Variants in SYTL3 observed in about 807,000 individuals in gnomAD.
The protein encoded by SYTL3 is synaptotagmin-like protein 3.
In SYTL3, 88 loss-of-function variants were observed where a neutral mutation model predicts 82.1. That is an observed-to-expected ratio of 1.07 (90% confidence interval 0.90 to 1.28). The LOEUF (loss-of-function observed/expected upper bound fraction) is 1.28, where lower values mean the gene tolerates loss of function less well. SYTL3 is among the 50% of genes most tolerant of loss of function. The pLI is 0.00. For synonymous variants in SYTL3, 311 were observed against 289.4 expected (o/e 1.07, Z -0.76); for missense variants, 831 against 757.6 (o/e 1.10, Z -1.14).
intron 5 of SYTL3, among the ~76,000 whole-genome samples, chr6:158,667,031 G>T (rs1261866544): frequency 6.6e-6 from 1 of 152,212 alleles, no homozygotes; most frequent in African/African-American, 2.4e-5. Context: ...GGCATAGAGA[G>T]CAATTCCAAA....
chr6:158,734,554 C>T (rs1785887671), intron 11 of SYTL3, among the ~76,000 whole-genome samples: 1 of 152,172 alleles, frequency 6.6e-6, no homozygotes, highest in African/African-American at 2.4e-5. Flanking sequence ...CCAGGCATTT[C>T]TGTACCCTTC....
chr6:158,732,506 C>T (rs865958740), intron 11 of SYTL3, among the ~76,000 whole-genome samples: 8 of 152,236 alleles, frequency 5.3e-5, no homozygotes, highest in African/African-American at 1.2e-4. Flanking sequence ...ATCGACAAGA[C>T]GTAGACTGCA....
At chr6:158,674,542 G>A (rs1046363692) in intron 5 of SYTL3, among the ~76,000 whole-genome samples, 2 of 152,192 alleles carry the variant, frequency 1.3e-5, no homozygotes, top group Admixed American at 6.5e-5. Flanking sequence ...CAGGTTGAGC[G>A]GTTGCCCACA....
Position 158,746,822 on chromosome 6 carries a change from T to TAA in SYTL3, c.1034+1176_1034+1177dup, listed in dbSNP as rs11460658. On this transcript the variant is annotated intron_variant, in intron 12 of 17. Coordinates refer to ENST00000611299, the MANE Select transcript of SYTL3 (RefSeq NM_001242394.2). ...ACTAACAAAGATGAGCAACTTGTTT[T>TAA]AAAAAAAAAAAAATAGAGACAGGGT... is the stretch of plus-strand genomic sequence containing the variant. Among the ~76,000 whole-genome samples, 656 of 145,952 alleles carry TAA rather than the reference T, an allele frequency of 4.5e-3. 1 individual carries two copies. Among genetic ancestry groups the TAA allele is most frequent in the Middle Eastern group, 7.0e-3 (2 of 284 alleles).
chr6:158,703,827 TTA>T (rs1491533359), intron 6 of SYTL3, among the ~76,000 whole-genome samples: 38 of 147,376 alleles, frequency 2.6e-4, no homozygotes, highest in African/African-American at 9.4e-4. Flanking sequence ...ATTATCATTA[TTA>T]TTATTATTAT....
intron 6 of SYTL3, among the ~76,000 whole-genome samples, chr6:158,693,337 C>G (rs1016447273): frequency 2.6e-5 from 4 of 152,176 alleles, no homozygotes; most frequent in Non-Finnish European, 5.9e-5. Flanking sequence ...CCCACTTCAG[C>G]CCCCCAAGTA....
rs187408822 is a variant in SYTL3, at chr6:158,669,880, T to A, written c.329+4267T>A. The stretch of plus-strand genomic sequence containing the variant: ...CTCATGGAATGCCCAAGCGGGAGGA[T>A]CACATAAGCCCAGGAGTTTGAGGCC... On this transcript the variant is annotated intron_variant, in intron 5 of 17. Transcript: ENST00000611299. Among the ~76,000 whole-genome samples the A allele has an allele frequency of 1.6e-4, 25 of 152,338 alleles. 1 individual carries two copies. In the East Asian group the frequency reaches 3.7e-3, roughly 22 times the overall value.
intron 2 of SYTL3, among the ~76,000 whole-genome samples, chr6:158,657,362 G>A (rs1258719302): frequency 6.7e-6 from 1 of 148,336 alleles, no homozygotes; most frequent in Admixed American, 6.8e-5. Flanking sequence ...GGAGGTAGAG[G>A]TTGTAGTGAG....
At chr6:158,734,430 G>T (rs1785865710) in intron 11 of SYTL3, among the ~76,000 whole-genome samples, 1 of 152,048 alleles carries the variant, frequency 6.6e-6, no homozygotes, top group Non-Finnish European at 1.5e-5. Flanking sequence ...GGGATCCTGT[G>T]TGACCTGCCC....
chr6:158,742,099 A>G (rs1286129726), intron 11 of SYTL3, among the ~76,000 whole-genome samples: 3 of 152,208 alleles, frequency 2.0e-5, no homozygotes, highest in African/African-American at 7.2e-5. Flanking sequence ...GAATAAGAAA[A>G]CTGCTCAAAT....
upstream of SYTL3, among the ~76,000 whole-genome samples, chr6:158,647,968 A>G (rs1461719194): frequency 1.3e-5 from 2 of 152,232 alleles, no homozygotes; most frequent in African/African-American, 4.8e-5. Context: ...ATAGCAATCA[A>G]TGAACTGTCA....
intron 6 of SYTL3, among the ~76,000 whole-genome samples, chr6:158,690,305 C>T (rs994220939): frequency 6.6e-6 from 1 of 152,222 alleles, no homozygotes; most frequent in Non-Finnish European, 1.5e-5. Context: ...GGAGTAGTGT[C>T]CATTGTCAGT....
rs181864565 is a variant in SYTL3 at position 158,736,034 on chromosome 6, T to C, written c.856-9446T>C. ...TACATAGATGTCCCAGACAGCATTG[T>C]TTATAATTGTTTTAATTTTGAAAAA... On this transcript the variant is annotated intron_variant, in intron 11 of 17. Transcript: ENST00000611299. Among the ~76,000 whole-genome samples, 5 of 152,332 alleles carry C rather than the reference T, an allele frequency of 3.3e-5. No homozygotes were observed. The East Asian group carries it at 7.7e-4, about 23-fold the overall frequency.
intron 5 of SYTL3, among the ~76,000 whole-genome samples, chr6:158,677,179 G>A (rs1562364823): frequency 6.6e-6 from 1 of 152,146 alleles, no homozygotes; most frequent in Non-Finnish European, 1.5e-5. Flanking sequence ...ATGATAGACT[G>A]GATTAAGAAA....
At chr6:158,704,149 TAA>T (rs11364829) in intron 6 of SYTL3, among the ~76,000 whole-genome samples, 17 of 149,604 alleles carry the variant, frequency 1.1e-4, no homozygotes, top group Admixed American at 7.3e-4. Context: ...TTTAAATGGT[TAA>T]AAAAAAAAAC....
intron 5 of SYTL3, 78 bp downstream of exon 5, chr6:158,665,691 A>T: frequency 9.0e-7 from 1 of 1,109,570 alleles, no homozygotes; most frequent in South Asian, 1.6e-5. Context: ...GCTCATAAAG[A>T]GAGCACTCAC....
intron 5 of SYTL3, among the ~76,000 whole-genome samples, chr6:158,672,166 C>T (rs1202608738): frequency 6.6e-6 from 1 of 152,084 alleles, no homozygotes; most frequent in Non-Finnish European, 1.5e-5. Context: ...TCGTGTGTAC[C>T]TGTAATCCCA....
At chr6:158,760,925 C>G (rs181959281) in intron 15 of SYTL3, among the ~76,000 whole-genome samples, 180 bp downstream of exon 15, 1 of 152,274 alleles carries the variant, frequency 6.6e-6, no homozygotes, top group Admixed American at 6.5e-5. Flanking sequence ...CTCTGGAGCC[C>G]GTAGTGGGGG....
At chr6:158,757,827 G>T (rs1789343091) in intron 14 of SYTL3, among the ~76,000 whole-genome samples, 1 of 152,226 alleles carries the variant, frequency 6.6e-6, no homozygotes, top group African/African-American at 2.4e-5. Flanking sequence ...ACAGTAATAG[G>T]TGACAAATGG....
Sources: gnomAD v4.1 joint callset for allele counts (sites outside exome capture counted in the v4.1 genomes callset) on GRCh38, gnomAD v4.1.1 for gene constraint, MANE v1.5 for transcripts, NCBI Gene and HGNC (gene_info 2026-07-23, HGNC 2026-07-21) for gene names.